The following DGKI variants were observed in gnomAD, a reference collection of about 807,000 sequenced individuals.
The protein encoded by DGKI is diacylglycerol kinase iota.
A neutral mutation model predicts 147.5 loss-of-function variants in DGKI; 55 were observed. That is an observed-to-expected ratio of 0.37 (90% CI 0.30 to 0.47). The LOEUF is 0.47. Ranked by LOEUF, DGKI falls within the 20% of genes least tolerant of loss-of-function variation. The pLI, the probability that DGKI is intolerant of heterozygous loss-of-function variation, is 1.00. For synonymous variants in DGKI, 469 were observed against 477.1 expected, an observed-to-expected ratio of 0.98 and a Z score of 0.22; for missense variants, 1,007 against 1,323.8, an observed-to-expected ratio of 0.76 and a Z score of 3.71.
chr7:137,744,608 C>CA (rs1446589748), intron 1 of DGKI, among the ~76,000 whole-genome samples: 4 of 152,016 alleles, frequency 2.6e-5, no homozygotes, highest in Non-Finnish European at 2.9e-5. Flanking sequence ...AACTATAGGC[C>CA]AATATCCCTG....
At chr7:137,736,416 T>G (rs1316293883) in intron 1 of DGKI, among the ~76,000 whole-genome samples, 1 of 152,132 alleles carries the variant, frequency 6.6e-6, no homozygotes, top group East Asian at 1.9e-4. Flanking sequence ...GTGGGCAAAT[T>G]ATTTAGCTCC....
At chr7:137,457,480 T>C (rs951612281) in intron 27 of DGKI, among the ~76,000 whole-genome samples, 1 of 152,032 alleles carries the variant, frequency 6.6e-6, no homozygotes, top group African/African-American at 2.4e-5. Context: ...ATAAAGAAAA[T>C]AGTTGAGGAC....
At chr7:137,765,600 C>T (rs1287579661) in intron 1 of DGKI, among the ~76,000 whole-genome samples, 3 of 152,198 alleles carry the variant, frequency 2.0e-5, no homozygotes, top group African/African-American at 7.2e-5. Context: ...TCCAAAGAGC[C>T]TTCCTGCAGA....
At chr7:137,397,483 A>G in intron 30 of DGKI, 70 bp from the exon 31 acceptor site, 1 of 1,502,382 alleles carries the variant, frequency 6.7e-7, no homozygotes, top group South Asian at 1.2e-5. Context: ...GAAAATCTAT[A>G]GTCACAGAAT....
At chr7:137,505,868 T>C (rs1216891913) in intron 21 of DGKI, among the ~76,000 whole-genome samples, 1 of 152,102 alleles carries the variant, frequency 6.6e-6, no homozygotes, top group Non-Finnish European at 1.5e-5. Context: ...ATGCTCAACA[T>C]TTTCTGTCAT....
intron 28 of DGKI, among the ~76,000 whole-genome samples, chr7:137,425,781 C>A (rs1046364616): frequency 5.3e-5 from 8 of 152,088 alleles, no homozygotes; most frequent in Non-Finnish European, 1.2e-4. Flanking sequence ...ATGCGATCAA[C>A]TGGAAGAAAG....
At chr7:137,465,220 T>C (rs955493736) in intron 26 of DGKI, among the ~76,000 whole-genome samples, 2 of 152,192 alleles carry the variant, frequency 1.3e-5, no homozygotes, top group Admixed American at 1.3e-4. Flanking sequence ...TTAAGGATAA[T>C]TGTACCAAAT....
At chr7:137,439,863 C>A (rs73459195) in intron 28 of DGKI, among the ~76,000 whole-genome samples, 3,669 of 152,264 alleles carry the variant, frequency 0.024, 113 homozygotes, top group East Asian at 0.095. Context: ...GGGATGCCTG[C>A]CTCAGATGTT....
chr7:137,614,006 G>A (rs1820451386), intron 8 of DGKI, among the ~76,000 whole-genome samples: 1 of 152,116 alleles, frequency 6.6e-6, no homozygotes, highest in African/African-American at 2.4e-5. Context: ...AAATGCTGGT[G>A]AAAGGAGACT....
intron 19 of DGKI, among the ~76,000 whole-genome samples, chr7:137,554,725 A>T (rs899027254): frequency 6.6e-6 from 1 of 150,984 alleles, no homozygotes; most frequent in Non-Finnish European, 1.5e-5. Flanking sequence ...AGCAAACCTT[A>T]CTCTCCTTTC....
intron 1 of DGKI, among the ~76,000 whole-genome samples, chr7:137,745,792 A>G (rs763325185): frequency 6.6e-6 from 1 of 152,164 alleles, no homozygotes; most frequent in Non-Finnish European, 1.5e-5. Context: ...AAAAAAAAAC[A>G]TATGCTGAGG....
intron 6 of DGKI, among the ~76,000 whole-genome samples, chr7:137,623,911 T>C (rs1223465232): frequency 2.6e-5 from 4 of 152,088 alleles, no homozygotes; most frequent in East Asian, 1.9e-4. Context: ...CATGGTCTTG[T>C]CTAACAATAA....
intron 1 of DGKI, among the ~76,000 whole-genome samples, chr7:137,721,506 C>T (rs1794555869): frequency 6.6e-6 from 1 of 152,118 alleles, no homozygotes; most frequent in African/African-American, 2.4e-5. Context: ...TCTACCAATA[C>T]CCTAGACCAG....
At chr7:137,468,330 A>C (rs1376188405) in intron 24 of DGKI, among the ~76,000 whole-genome samples, 1 of 152,206 alleles carries the variant, frequency 6.6e-6, no homozygotes, top group East Asian at 1.9e-4. Context: ...GAGTAAAACT[A>C]CTACCTGGGC....
At chr7:137,465,639 G>A (rs1343353632) in intron 26 of DGKI, among the ~76,000 whole-genome samples, 7 of 152,180 alleles carry the variant, frequency 4.6e-5, no homozygotes, top group Non-Finnish European at 7.4e-5. Flanking sequence ...AAACGTACAA[G>A]CACAAACACA....
intron 21 of DGKI, among the ~76,000 whole-genome samples, chr7:137,509,808 T>C (rs1236693442): frequency 6.6e-6 from 1 of 152,174 alleles, no homozygotes; most frequent in African/African-American, 2.4e-5. Context: ...AAGGGAACAC[T>C]ACACTCTCCA....
intron 1 of DGKI, among the ~76,000 whole-genome samples, chr7:137,841,867 G>GA (rs1798553375): frequency 6.6e-6 from 1 of 152,170 alleles, no homozygotes; most frequent in Non-Finnish European, 1.5e-5. Flanking sequence ...CAGCAGAATT[G>GA]AACACCAGCA....
intron 21 of DGKI, 115 bp downstream of exon 21, chr7:137,521,751 C>A: frequency 1.3e-6 from 1 of 758,484 alleles, no homozygotes; most frequent in Admixed American, 2.4e-5. Context: ...CACTTCACTT[C>A]TCTAACCATG....
At chr7:137,537,681 C>T (rs925298644) in intron 20 of DGKI, among the ~76,000 whole-genome samples, 1 of 152,144 alleles carries the variant, frequency 6.6e-6, no homozygotes, top group African/African-American at 2.4e-5. Context: ...ACATGAAGCA[C>T]ATTTCTGGAG....
Sources: allele counts gnomAD v4.1 joint callset (sites outside exome capture counted in the v4.1 genomes callset), GRCh38; gene constraint gnomAD v4.1.1; transcripts MANE v1.5; gene names NCBI Gene and HGNC (gene_info 2026-07-23, HGNC 2026-07-21).